VWA3B: variants seen among roughly 807,000 people sequenced by gnomAD.
VWA3B encodes the protein von Willebrand factor A domain containing 3B, also known as von Willebrand factor A domain-containing protein 3B.
A neutral mutation model predicts 158.3 loss-of-function variants in VWA3B; 138 were observed. That is an observed-to-expected ratio of 0.87 (90% CI 0.76 to 1.00). The LOEUF is 1.00. Among genes scored for constraint, VWA3B ranks in the 50% least tolerant of loss-of-function variants. The pLI is 0.00. For missense variants in VWA3B, 1,555 were observed against 1,565.1 expected, an observed-to-expected ratio of 0.99 and a Z score of 0.11; for synonymous variants, 596 against 587.3, an observed-to-expected ratio of 1.01 and a Z score of -0.21.
intron 23 of VWA3B, among the ~76,000 whole-genome samples, chr2:98,295,298 TA>T (rs1335598491): frequency 6.6e-6 from 1 of 151,806 alleles, no homozygotes; most frequent in African/African-American, 2.4e-5. Flanking sequence ...GCCAAAGGTT[TA>T]AAAAAAAGAA....
At chr2:98,255,323 C>T (rs1352084701) in intron 20 of VWA3B, among the ~76,000 whole-genome samples, 3 of 150,388 alleles carry the variant, frequency 2.0e-5, no homozygotes, top group African/African-American at 7.4e-5. Flanking sequence ...TGAGCCACTG[C>T]ACCCGGCTGG....
intron 19 of VWA3B, among the ~76,000 whole-genome samples, chr2:98,246,699 T>A (rs1368675686): frequency 2.0e-5 from 3 of 152,030 alleles, no homozygotes; most frequent in Non-Finnish European, 4.4e-5. Context: ...ATATTCCTAA[T>A]ACAAAAGCAC....
chr2:98,092,370 C>A (rs539901995), intron 1 of VWA3B, among the ~76,000 whole-genome samples: 5 of 152,202 alleles, frequency 3.3e-5, no homozygotes, highest in African/African-American at 4.8e-5. Context: ...TCCAGCTGGG[C>A]GCAGTGGCTC....
chr2:98,263,590 A>G (rs1315664196), intron 21 of VWA3B, among the ~76,000 whole-genome samples: 2 of 151,750 alleles, frequency 1.3e-5, no homozygotes, highest in African/African-American at 4.8e-5. Context: ...AATGAAGCCC[A>G]TTTTTTTCAT....
chr2:98,199,109 T>C (rs1434145424), intron 12 of VWA3B, among the ~76,000 whole-genome samples: 1 of 152,134 alleles, frequency 6.6e-6, no homozygotes, highest in Admixed American at 6.5e-5. Flanking sequence ...AAATTGAGTT[T>C]CTGGATATAA....
intron 22 of VWA3B, among the ~76,000 whole-genome samples, chr2:98,272,661 A>C (rs1175892205): frequency 6.6e-6 from 1 of 152,192 alleles, no homozygotes; most frequent in African/African-American, 2.4e-5. Context: ...AGACACACAA[A>C]GAACAGTACT....
intron 26 of VWA3B, among the ~76,000 whole-genome samples, chr2:98,308,144 T>A (rs1690642734): frequency 6.6e-6 from 1 of 152,252 alleles, no homozygotes; most frequent in African/African-American, 2.4e-5. Flanking sequence ...AAATATGTTA[T>A]CAATATTGCT....
At chr2:98,129,352 AAGAGAG>A in intron 6 of VWA3B, among the ~76,000 whole-genome samples, 1 of 148,096 alleles carries the variant, frequency 6.8e-6, no homozygotes, top group East Asian at 2.0e-4. Context: ...GAGACGGAGA[AAGAGAG>A]AGAGACAGAG....
intron 2 of VWA3B, among the ~76,000 whole-genome samples, chr2:98,107,599 G>A (rs900018053): frequency 2.0e-5 from 3 of 152,068 alleles, no homozygotes; most frequent in Admixed American, 6.5e-5. Flanking sequence ...TATTGTGTGA[G>A]TTGTGGTAGT....
At chr2:98,147,590 T>C (rs1257176099) in intron 7 of VWA3B, among the ~76,000 whole-genome samples, 1 of 152,238 alleles carries the variant, frequency 6.6e-6, no homozygotes, top group African/African-American at 2.4e-5. Context: ...ATTAAAGTTC[T>C]ATATTAGAGT....
chr2:98,106,426 A>G (rs569536776), intron 2 of VWA3B, among the ~76,000 whole-genome samples: 1 of 152,122 alleles, frequency 6.6e-6, no homozygotes, highest in Non-Finnish European at 1.5e-5. Flanking sequence ...TTGCTATAAT[A>G]TTGATAGGAG....
intron 8 of VWA3B, among the ~76,000 whole-genome samples, chr2:98,176,014 C>T (rs1679983881): frequency 6.6e-6 from 1 of 152,196 alleles, no homozygotes; most frequent in African/African-American, 2.4e-5. Flanking sequence ...ACGAGCTTCT[C>T]TCTCACACCA....
chr2:98,255,182 ATT>A (rs769708577), intron 20 of VWA3B, among the ~76,000 whole-genome samples: 1 of 52,140 alleles, frequency 1.9e-5, no homozygotes, highest in African/African-American at 7.1e-5. Flanking sequence ...CCCGGCTGAT[ATT>A]TTTTTTTTTT....
At chr2:98,251,992 G>A (rs1259918930) in intron 20 of VWA3B, among the ~76,000 whole-genome samples, 1 of 152,166 alleles carries the variant, frequency 6.6e-6, no homozygotes, top group African/African-American at 2.4e-5. Context: ...ACCCTTCCCC[G>A]TGGGTCGGAG....
chr2:98,234,547 G>A lies in VWA3B; in HGVS notation c.2309-101G>A, dbSNP rs563445452. 3.8e-4 allele frequency: 582 copies of A among 1,530,976 alleles called. 6 individuals are homozygous for A. In the South Asian group the frequency reaches 6.9e-3, roughly 18 times the overall value. The allele number at this position is 1,530,976 out of a possible 1,614,324, so 94.8% of individuals were successfully genotyped here. A position where few individuals can be genotyped will look rare whatever the true frequency, so the allele number is the denominator to read the frequency against. ...ATCCTCAGAGGGTTGGGAAACAAAG[G>A]TTGCATTCTTACTTTAAGGAGCTGA... On this transcript the variant is annotated intron_variant, in intron 16 of 27. Transcript: ENST00000477737.
At chr2:98,133,607 C>T (rs1373020030) in intron 6 of VWA3B, 6 of 513,944 alleles carry the variant, frequency 1.2e-5, no homozygotes, top group African/African-American at 3.8e-5. Context: ...GATGAGTTGT[C>T]GGTTAAAATC....
intron 7 of VWA3B, among the ~76,000 whole-genome samples, chr2:98,142,138 C>T (rs1267747738): frequency 1.3e-5 from 2 of 152,100 alleles, no homozygotes; most frequent in Non-Finnish European, 2.9e-5. Context: ...GGGGTCTAGT[C>T]GTTGGATATC....
intron 7 of VWA3B, among the ~76,000 whole-genome samples, chr2:98,152,612 T>A (rs1158838133): frequency 2.0e-5 from 3 of 152,192 alleles, no homozygotes; most frequent in Non-Finnish European, 2.9e-5. Context: ...TCCTTGAAAA[T>A]TTACTTAAAC....
chr2:98,272,152 A>G (rs1688240939), intron 22 of VWA3B, among the ~76,000 whole-genome samples: 1 of 152,182 alleles, frequency 6.6e-6, no homozygotes, highest in South Asian at 2.1e-4. Context: ...TCAGTCCCCA[A>G]GACTGGCCCT....
Sources: allele counts gnomAD v4.1 joint callset (sites outside exome capture counted in the v4.1 genomes callset), GRCh38; gene constraint gnomAD v4.1.1; transcripts MANE v1.5; gene names NCBI Gene and HGNC (gene_info 2026-07-23, HGNC 2026-07-21).